DIAPH2: variants seen among roughly 807,000 people sequenced by gnomAD.
DIAPH2 encodes diaphanous related formin 2, also known as protein diaphanous homolog 2.
DIAPH2 carries 35 observed loss-of-function variants against 92.7 expected under a neutral mutation model. That is an observed-to-expected ratio of 0.38 (90% CI 0.29 to 0.50). The LOEUF (loss-of-function observed/expected upper bound fraction) is 0.50. Ranked by LOEUF, DIAPH2 falls within the 20% of genes least tolerant of loss-of-function variation. The pLI is 0.94. For missense variants in DIAPH2, 701 were observed against 819.5 expected, an observed-to-expected ratio of 0.86 and a Z score of 1.77; for synonymous variants, 301 against 280.4, an observed-to-expected ratio of 1.07 and a Z score of -0.73.
chrX:96,759,378 G>A lies in DIAPH2; in HGVS notation c.447+1120G>A, dbSNP rs941178470. On this transcript the variant is annotated intron_variant, in intron 4 of 26. Coordinates refer to ENST00000324765, the MANE Select transcript of DIAPH2 (RefSeq NM_006729.5). Reference sequence around the variant, plus strand: ...TTTAAACATAACACATTGCAGCTCCGCCATAGCAGAGCAACAGCATGTTTT... The same window carrying A: ...TTTAAACATAACACATTGCAGCTCCACCATAGCAGAGCAACAGCATGTTTT... 5.4e-5 allele frequency among the ~76,000 whole-genome samples: 6 copies of A among 111,267 alleles called. No individual in the cohort carries two copies. In the East Asian group the frequency reaches 1.7e-3, roughly 31 times the overall value.
intron 23 of DIAPH2, among the ~76,000 whole-genome samples, chrX:97,325,619 C>T (rs1171946283): frequency 9.2e-6 from 1 of 108,855 alleles, no homozygotes; most frequent in Non-Finnish European, 1.9e-5. Flanking sequence ...ACTCTGTCGC[C>T]CAGGCTGGAG....
At chrX:96,936,055 C>T in intron 10 of DIAPH2, among the ~76,000 whole-genome samples, 1 of 111,778 alleles carries the variant, frequency 8.9e-6, no homozygotes, top group East Asian at 2.8e-4. Context: ...CATTCCATTT[C>T]AAACTGGAAA....
At chrX:96,844,790 T>C (rs73549731) in intron 4 of DIAPH2, among the ~76,000 whole-genome samples, 1,676 of 111,775 alleles carry the variant, frequency 0.015, 28 homozygotes, top group African/African-American at 0.051. Context: ...GGAAGTGTTA[T>C]TTCACGTCAA....
intron 9 of DIAPH2, among the ~76,000 whole-genome samples, chrX:96,925,997 A>G (rs1439864226): frequency 9.0e-6 from 1 of 111,701 alleles, no homozygotes; most frequent in Non-Finnish European, 1.9e-5. Flanking sequence ...GGGCTAGGAT[A>G]AAGAAAGACC....
At chrX:96,836,684 G>GGT (rs2064889085) in intron 4 of DIAPH2, among the ~76,000 whole-genome samples, 5 of 44,782 alleles carry the variant, frequency 1.1e-4, no homozygotes, top group African/African-American at 3.7e-4. Context: ...AAGCAGTACA[G>GGT]GTATATATAT....
chrX:96,980,263 G>T (rs1413645511), intron 17 of DIAPH2, among the ~76,000 whole-genome samples: 1 of 111,264 alleles, frequency 9.0e-6, no homozygotes, highest in Non-Finnish European at 1.9e-5. Flanking sequence ...AATGGAAGTG[G>T]CTCTTAGCCG....
At chrX:96,901,899 C>A (rs1174177867) in intron 5 of DIAPH2, among the ~76,000 whole-genome samples, 2 of 111,358 alleles carry the variant, frequency 1.8e-5, no homozygotes, top group African/African-American at 6.5e-5. Flanking sequence ...TGTGCTCTTT[C>A]AGACTTTTTG....
In DIAPH2 at chrX:97,186,067, A is replaced by C. The variant is rs1426490372; in HGVS notation, c.2719+44273A>C. ...ATTATCCCAAATCCCGGACCTATAT[A>C]AATGATTTAAAAAAAACTAATTGTA... is the stretch of plus-strand genomic sequence containing the variant. On this transcript the variant is annotated intron_variant, in intron 22 of 26. Transcript: ENST00000324765. 5.4e-5 allele frequency among the ~76,000 whole-genome samples: 6 copies of C among 111,402 alleles called. No homozygotes were observed. In the South Asian group the frequency reaches 2.3e-3, roughly 42 times the overall value.
intron 22 of DIAPH2, among the ~76,000 whole-genome samples, chrX:97,236,759 T>G: frequency 9.1e-6 from 1 of 110,243 alleles, no homozygotes; most frequent in South Asian, 3.9e-4. Flanking sequence ...TTAGCCAGGA[T>G]GGTCTCGATC....
intron 4 of DIAPH2, among the ~76,000 whole-genome samples, chrX:96,808,506 G>T (rs2064647912): frequency 9.0e-6 from 1 of 111,673 alleles, no homozygotes; most frequent in Non-Finnish European, 1.9e-5. Context: ...AAAAATGTAT[G>T]CACATCACAT....
intron 24 of DIAPH2, among the ~76,000 whole-genome samples, chrX:97,375,493 A>G (rs1005369095): frequency 8.9e-6 from 1 of 111,913 alleles, no homozygotes; most frequent in African/African-American, 3.2e-5. Flanking sequence ...AAAAACTGTC[A>G]GTAGTAGCCA....
chrX:97,228,445 C>T (rs1332229221), intron 22 of DIAPH2, among the ~76,000 whole-genome samples: 4 of 111,232 alleles, frequency 3.6e-5, no homozygotes, highest in Admixed American at 9.6e-5. Context: ...AGTCTGTTGA[C>T]GTATGGTAAG....
At chrX:97,273,853 G>A (rs1034356604) in intron 23 of DIAPH2, among the ~76,000 whole-genome samples, 4 of 111,616 alleles carry the variant, frequency 3.6e-5, no homozygotes, top group Non-Finnish European at 5.6e-5. Flanking sequence ...TGAGCCTTAG[G>A]AAACTTTATC....
intron 1 of DIAPH2, among the ~76,000 whole-genome samples, chrX:96,721,717 T>C (rs1410975770): frequency 8.9e-6 from 1 of 111,971 alleles, no homozygotes; most frequent in Non-Finnish European, 1.9e-5. Context: ...AGTACTCTGT[T>C]TGCTGTTTAC....
intron 22 of DIAPH2, among the ~76,000 whole-genome samples, chrX:97,193,400 C>T (rs960778948): frequency 5.4e-5 from 6 of 111,554 alleles, no homozygotes; most frequent in Non-Finnish European, 1.1e-4. Flanking sequence ...TTTTGATGTG[C>T]CAGTACTTCA....
At chrX:97,342,475 G>A (rs1418146664) in intron 23 of DIAPH2, among the ~76,000 whole-genome samples, 1 of 112,559 alleles carries the variant, frequency 8.9e-6, no homozygotes, top group African/African-American at 3.2e-5. Flanking sequence ...TCAGAAAGCT[G>A]TTGTGAAGAT....
intron 22 of DIAPH2, among the ~76,000 whole-genome samples, chrX:97,169,391 G>T (rs745907559): frequency 1.8e-5 from 2 of 111,547 alleles, no homozygotes; most frequent in South Asian, 3.8e-4. Context: ...AAAAGAAATG[G>T]CAGGTTTTTA....
intron 4 of DIAPH2, among the ~76,000 whole-genome samples, chrX:96,802,429 A>G (rs1241514826): frequency 8.9e-6 from 1 of 112,474 alleles, no homozygotes; most frequent in African/African-American, 3.2e-5. Context: ...CATACATGCA[A>G]TAAATAAATA....
chrX:96,833,678 T>G (rs1163257984), intron 4 of DIAPH2, among the ~76,000 whole-genome samples: 1 of 111,260 alleles, frequency 9.0e-6, no homozygotes, highest in Non-Finnish European at 1.9e-5. Flanking sequence ...TTTTATTTTT[T>G]GGGACTGAGT....
Sources: gnomAD v4.1 joint callset for allele counts (sites outside exome capture counted in the v4.1 genomes callset) on GRCh38, gnomAD v4.1.1 for gene constraint, MANE v1.5 for transcripts, NCBI Gene and HGNC (gene_info 2026-07-23, HGNC 2026-07-21) for gene names.